CDKAL1: variants seen among roughly 807,000 people sequenced by gnomAD.
CDKAL1 encodes the protein threonylcarbamoyladenosine tRNA methylthiotransferase.
Under a neutral mutation model 68.2 loss-of-function variants are expected in CDKAL1, and 32 were observed. The observed-to-expected ratio is 0.47, with a 90% confidence interval of 0.35 to 0.63. The LOEUF is 0.63. CDKAL1 is among the 30% of genes least tolerant of loss of function. CDKAL1 has a pLI of 0.00. For missense variants in CDKAL1, 606 were observed against 696.7 expected (o/e 0.87, Z 1.47); for synonymous variants, 234 against 244.3 (o/e 0.96, Z 0.39).
chr6:20,731,709 GCTGT>G (rs1581466437), intron 5 of CDKAL1, among the ~76,000 whole-genome samples: 1 of 152,220 alleles, frequency 6.6e-6, no homozygotes. Flanking sequence ...ATAGAGACAA[GCTGT>G]CTATCAGGTG....
intron 11 of CDKAL1, among the ~76,000 whole-genome samples, chr6:21,017,573 A>G (rs1024677762): frequency 6.6e-6 from 1 of 152,200 alleles, no homozygotes. Context: ...GAAGTTTCAC[A>G]CCTATGTGCA....
intron 11 of CDKAL1, among the ~76,000 whole-genome samples, chr6:21,007,864 A>G (rs1362824119): frequency 6.6e-6 from 1 of 152,236 alleles, no homozygotes; most frequent in African/African-American, 2.4e-5. Context: ...TTACCCAGCC[A>G]GTGCTCTTAT....
At chr6:21,213,629 G>A (rs958723038) in intron 15 of CDKAL1, among the ~76,000 whole-genome samples, 1 of 152,208 alleles carries the variant, frequency 6.6e-6, no homozygotes, top group African/African-American at 2.4e-5. Flanking sequence ...CATCTATGGT[G>A]TAAGATAGTG....
chr6:20,801,249 C>A (rs558038092), intron 8 of CDKAL1, among the ~76,000 whole-genome samples: 1 of 152,250 alleles, frequency 6.6e-6, no homozygotes, highest in Admixed American at 6.5e-5. Flanking sequence ...TTGGGTTTTT[C>A]CCTGAAGAAA....
At chr6:20,888,473 A>G (rs1761204005) in intron 9 of CDKAL1, among the ~76,000 whole-genome samples, 2 of 144,330 alleles carry the variant, frequency 1.4e-5, no homozygotes, top group South Asian at 4.5e-4. Flanking sequence ...GAACCCATTA[A>G]CTCGTCATTT....
intron 13 of CDKAL1, among the ~76,000 whole-genome samples, chr6:21,113,998 C>A (rs1025508262): frequency 6.6e-6 from 1 of 151,482 alleles, no homozygotes; most frequent in African/African-American, 2.4e-5. Context: ...CCTGTAATCC[C>A]AGCACTTTGA....
intron 12 of CDKAL1, among the ~76,000 whole-genome samples, chr6:21,083,014 C>T (rs1772492239): frequency 6.6e-6 from 1 of 151,730 alleles, no homozygotes; most frequent in Admixed American, 6.6e-5. Context: ...GCTGGGACTA[C>T]AGGCATGCAC....
chr6:21,113,189 T>G (rs183299050), intron 13 of CDKAL1, among the ~76,000 whole-genome samples: 17 of 152,306 alleles, frequency 1.1e-4, no homozygotes, highest in African/African-American at 4.1e-4. Context: ...GTAAAATAAT[T>G]GGGATCAGTT....
chr6:20,632,862 G>A (rs1024714309), intron 4 of CDKAL1, among the ~76,000 whole-genome samples: 5 of 152,166 alleles, frequency 3.3e-5, no homozygotes, highest in Admixed American at 3.3e-4. Context: ...AGAAAGCAGT[G>A]CCTTCCTTTC....
chr6:20,748,669 C>T (rs2473648), intron 6 of CDKAL1, among the ~76,000 whole-genome samples: 8,458 of 147,600 alleles, frequency 0.057, 276 homozygotes, highest in African/African-American at 0.097. Context: ...AATAGAGAGC[C>T]TAGAGATAAA....
At chr6:20,889,296 G>T (rs979002016) in intron 9 of CDKAL1, among the ~76,000 whole-genome samples, 7 of 152,020 alleles carry the variant, frequency 4.6e-5, no homozygotes, top group South Asian at 2.1e-4. Flanking sequence ...AGTAGGTTGC[G>T]AAAATTTTCT....
intron 11 of CDKAL1, among the ~76,000 whole-genome samples, chr6:21,019,811 G>C (rs1266319584): frequency 1.3e-5 from 2 of 152,164 alleles, no homozygotes; most frequent in Non-Finnish European, 2.9e-5. Context: ...AAGCCACTAG[G>C]AGATGCTAAA....
chr6:20,758,544 T>G, intron 6 of CDKAL1, 51 bp from the exon 7 acceptor site: 1 of 1,525,458 alleles, frequency 6.6e-7, no homozygotes, highest in Non-Finnish European at 9.0e-7. Context: ...TAAACACAAA[T>G]TTTGTTTCTT....
chr6:20,913,915 C>T (rs1314884964), intron 9 of CDKAL1, among the ~76,000 whole-genome samples: 1 of 152,062 alleles, frequency 6.6e-6, no homozygotes. Flanking sequence ...TGCTTGAGCC[C>T]AGGAGTTTGA....
intron 9 of CDKAL1, among the ~76,000 whole-genome samples, chr6:20,862,397 C>G (rs1363781740): frequency 6.6e-6 from 1 of 152,190 alleles, no homozygotes; most frequent in Admixed American, 6.5e-5. Flanking sequence ...TTACTCTTAT[C>G]CAACCTCAGT....
intron 6 of CDKAL1, among the ~76,000 whole-genome samples, chr6:20,750,929 A>G (rs1342298996): frequency 2.3e-5 from 3 of 130,246 alleles, no homozygotes; most frequent in South Asian, 2.8e-4. Context: ...ACACCACTGC[A>G]CTCCAGGCTG....
chr6:20,627,709 A>G (rs1024195265), intron 4 of CDKAL1, among the ~76,000 whole-genome samples: 2 of 152,176 alleles, frequency 1.3e-5, no homozygotes, highest in Admixed American at 6.5e-5. Context: ...GAGTGTTCCA[A>G]TCCATGAATT....
intron 10 of CDKAL1, among the ~76,000 whole-genome samples, chr6:20,975,210 GT>G (rs1282700460): frequency 6.6e-6 from 1 of 152,154 alleles, no homozygotes; most frequent in Non-Finnish European, 1.5e-5. Context: ...TGACTGACCA[GT>G]TAATCTCTGC....
At chr6:20,557,908 C>T (rs1190163921) in intron 4 of CDKAL1, among the ~76,000 whole-genome samples, 1 of 152,148 alleles carries the variant, frequency 6.6e-6, no homozygotes. Context: ...GCTTGGGTGA[C>T]AGAGTGAGTG....
Sources: allele counts gnomAD v4.1 joint callset (sites outside exome capture counted in the v4.1 genomes callset), GRCh38; gene constraint gnomAD v4.1.1; transcripts MANE v1.5; gene names NCBI Gene and HGNC (gene_info 2026-07-23, HGNC 2026-07-21).